Variants in ZBTB20 observed in about 807,000 individuals in gnomAD.
ZBTB20 encodes zinc finger and BTB domain-containing protein 20.
In ZBTB20, 9 loss-of-function variants were observed where a neutral mutation model predicts 56.9. The observed-to-expected ratio is 0.16, with a 90% CI of 0.10 to 0.28. ZBTB20 has a LOEUF of 0.28. Ranked by LOEUF, ZBTB20 falls within the 10% of genes least tolerant of loss-of-function variation. ZBTB20 has a pLI of 1.00. For synonymous variants in ZBTB20, 417 were observed against 420.7 expected (o/e 0.99, Z 0.11); for missense variants, 655 against 1,003.0 (o/e 0.65, Z 4.69).
rs558521957 is a variant in ZBTB20 at position 114,401,412 on chromosome 3, G to C, written c.-254-12307C>G. Among the ~76,000 whole-genome samples, 2 of 152,174 alleles carry C rather than the reference G, an allele frequency of 1.3e-5. 1 individual carries two copies. Among genetic ancestry groups the C allele is most frequent in the African/African-American group, 4.8e-5 (2 of 41,514 alleles). On this transcript the variant is annotated intron_variant, in intron 7 of 11. Coordinates refer to ENST00000675478, the MANE Select transcript of ZBTB20 (RefSeq NM_001348800.3). ...AACAGAGTGGGGTGAAAATTTCACT[G>C]GATTGTCTGCTAGCTTGTACCAACT...
intron 3 of ZBTB20, among the ~76,000 whole-genome samples, chr3:114,915,098 T>C (rs548153615): frequency 6.6e-5 from 10 of 151,994 alleles, no homozygotes; most frequent in African/African-American, 1.4e-4. Context: ...TCACAGAAGA[T>C]GGACACATTC....
intron 2 of ZBTB20, among the ~76,000 whole-genome samples, chr3:115,004,169 T>C (rs1304595789): frequency 1.3e-5 from 2 of 151,660 alleles, no homozygotes; most frequent in Non-Finnish European, 3.0e-5. Context: ...TTTCAATCTC[T>C]AGTTGGTCTG....
intron 6 of ZBTB20, among the ~76,000 whole-genome samples, chr3:114,662,401 G>A: frequency 1.4e-5 from 2 of 142,960 alleles, no homozygotes; most frequent in Non-Finnish European, 1.5e-5. Context: ...ATGATTTATA[G>A]TCCTTTGGGT....
intron 4 of ZBTB20, among the ~76,000 whole-genome samples, chr3:114,837,802 G>A (rs2108984851): frequency 6.6e-6 from 1 of 152,218 alleles, no homozygotes; most frequent in Middle Eastern, 3.4e-3. Context: ...GGTGAAAATA[G>A]AGGATGTGGA....
intron 4 of ZBTB20, among the ~76,000 whole-genome samples, chr3:114,832,294 G>T (rs886403979): frequency 2.6e-5 from 4 of 151,922 alleles, no homozygotes; most frequent in Non-Finnish European, 5.9e-5. Flanking sequence ...TTTTTCAACA[G>T]AAGTGCAGGT....
chr3:114,867,336 T>G (rs1028114544), intron 4 of ZBTB20, among the ~76,000 whole-genome samples: 1 of 152,192 alleles, frequency 6.6e-6, no homozygotes, highest in East Asian at 1.9e-4. Flanking sequence ...CTTACCATGA[T>G]AGCAAGCTGA....
At chr3:114,851,135 G>C (rs909340515) in intron 4 of ZBTB20, among the ~76,000 whole-genome samples, 13 of 152,136 alleles carry the variant, frequency 8.5e-5, no homozygotes, top group African/African-American at 3.1e-4. Flanking sequence ...ACATGACTCA[G>C]TAAAGCAAAT....
intron 4 of ZBTB20, among the ~76,000 whole-genome samples, chr3:114,849,404 A>C (rs971985118): frequency 6.6e-6 from 1 of 152,192 alleles, no homozygotes; most frequent in Admixed American, 6.5e-5. Context: ...CAATATTTTG[A>C]AATTTAATTG....
chr3:114,736,742 T>C (rs1422245357), intron 5 of ZBTB20, among the ~76,000 whole-genome samples: 1 of 152,018 alleles, frequency 6.6e-6, no homozygotes, highest in Non-Finnish European at 1.5e-5. Flanking sequence ...ATGGTGGGAA[T>C]CAGTGAGCCC....
chr3:114,433,087 C>T lies in ZBTB20; in HGVS notation c.-254-43982G>A, dbSNP rs1040189291. 4.6e-5 allele frequency among the ~76,000 whole-genome samples: 7 copies of T among 152,062 alleles called. No individual in the cohort carries two copies. In the East Asian group the frequency reaches 5.8e-4, roughly 13 times the overall value. On this transcript the variant is annotated intron_variant, in intron 7 of 11. Coordinates refer to ENST00000675478, the MANE Select transcript of ZBTB20 (RefSeq NM_001348800.3). ...TACTCTAGGAATTAAAATAGTTTTACGTAGATATAGGTCCTTTTCAACTAT... is the reference window on the plus strand; with the variant it reads ...TACTCTAGGAATTAAAATAGTTTTATGTAGATATAGGTCCTTTTCAACTAT...
chr3:114,965,103 A>T (rs1328088934), intron 3 of ZBTB20, among the ~76,000 whole-genome samples: 1 of 152,178 alleles, frequency 6.6e-6, no homozygotes, highest in East Asian at 1.9e-4. Context: ...AAATCTGCAA[A>T]TAATTAAATG....
chr3:115,029,370 T>G (rs1251166529), intron 2 of ZBTB20, among the ~76,000 whole-genome samples: 1 of 150,586 alleles, frequency 6.6e-6, no homozygotes, highest in East Asian at 1.9e-4. Flanking sequence ...AGACCTTGAT[T>G]AAATAATTCT....
At chr3:114,464,276 AC>A (rs1256048563) in intron 7 of ZBTB20, among the ~76,000 whole-genome samples, 2 of 152,230 alleles carry the variant, frequency 1.3e-5, no homozygotes, top group Admixed American at 6.5e-5. Flanking sequence ...TTTTAAAAAA[AC>A]ATATACATTG....
intron 6 of ZBTB20, among the ~76,000 whole-genome samples, chr3:114,538,822 A>C (rs2048775175): frequency 6.6e-6 from 1 of 152,194 alleles, no homozygotes; most frequent in South Asian, 2.1e-4. Flanking sequence ...GTTATGAAAT[A>C]ATATGTGTAT....
At chr3:114,342,210 AT>A (rs944643514) in intron 11 of ZBTB20, among the ~76,000 whole-genome samples, 14 of 152,198 alleles carry the variant, frequency 9.2e-5, no homozygotes, top group Middle Eastern at 3.4e-3. Context: ...TTTTAAGAAA[AT>A]TTTTTTTCCC....
At chr3:114,768,572 C>T (rs114237414) in intron 5 of ZBTB20, among the ~76,000 whole-genome samples, 5,214 of 152,148 alleles carry the variant, frequency 0.034, 145 homozygotes, top group African/African-American at 0.07. Context: ...AAACTAATTT[C>T]AATGTTTTAA....
intron 1 of ZBTB20, among the ~76,000 whole-genome samples, chr3:115,125,620 T>C (rs190014302): frequency 2.0e-5 from 3 of 152,270 alleles, no homozygotes; most frequent in East Asian, 1.9e-4. Flanking sequence ...ATTTCAGTTA[T>C]ACAGAATGAA....
At chr3:114,595,566 G>A (rs2056243187) in intron 6 of ZBTB20, among the ~76,000 whole-genome samples, 1 of 152,188 alleles carries the variant, frequency 6.6e-6, no homozygotes. Context: ...GGTTCAATGA[G>A]TCCAGGGAAG....
intron 4 of ZBTB20, among the ~76,000 whole-genome samples, chr3:114,832,760 G>A (rs968588959): frequency 1.3e-5 from 2 of 152,080 alleles, no homozygotes; most frequent in South Asian, 2.1e-4. Context: ...AGTGAACCTG[G>A]CTTCTCCCGC....
Sources: allele counts gnomAD v4.1 joint callset (sites outside exome capture counted in the v4.1 genomes callset), GRCh38; gene constraint gnomAD v4.1.1; transcripts MANE v1.5; gene names NCBI Gene and HGNC (gene_info 2026-07-23, HGNC 2026-07-21).